The following RBMS3 variants were observed in gnomAD, a reference collection of about 807,000 sequenced individuals.
RBMS3 encodes the protein RNA binding motif single stranded interacting protein 3.
Under a neutral mutation model 66.8 loss-of-function variants are expected in RBMS3, and 27 were observed. That is an observed-to-expected ratio of 0.40 (90% CI 0.30 to 0.56). RBMS3 has a LOEUF of 0.56. RBMS3 is among the 20% of genes least tolerant of loss of function. The pLI is 0.40. For missense variants in RBMS3, 513 were observed against 549.5 expected, an observed-to-expected ratio of 0.93 and a Z score of 0.66; for synonymous variants, 188 against 183.0, an observed-to-expected ratio of 1.03 and a Z score of -0.22.
At chr3:29,871,492 C>A (rs1012950905) in intron 7 of RBMS3, among the ~76,000 whole-genome samples, 1 of 151,952 alleles carries the variant, frequency 6.6e-6, no homozygotes, top group Non-Finnish European at 1.5e-5. Context: ...TTTTCATTTA[C>A]CATTATACTA....
intron 1 of RBMS3, among the ~76,000 whole-genome samples, chr3:29,408,132 T>C (rs6781832): frequency 0.61 from 91,392 of 149,668 alleles, 28,306 homozygotes; most frequent in African/African-American, 0.71. Flanking sequence ...ATTAGCTGGG[T>C]GTGGTGGCGG....
intron 10 of RBMS3, among the ~76,000 whole-genome samples, chr3:29,928,212 A>ATATATAT (rs2149673204): frequency 1.3e-5 from 1 of 77,598 alleles, no homozygotes; most frequent in African/African-American, 5.7e-5. Flanking sequence ...ATATATATAT[A>ATATATAT]CACACACACA....
chr3:29,974,653 C>CAA (rs1158244392), intron 12 of RBMS3, among the ~76,000 whole-genome samples: 4 of 151,294 alleles, frequency 2.6e-5, no homozygotes, highest in Non-Finnish European at 5.9e-5. Context: ...ATAAATTTGT[C>CAA]TTATTTTTAA....
intron 3 of RBMS3, among the ~76,000 whole-genome samples, chr3:29,520,071 C>CTAAA (rs1559432745): frequency 1.3e-5 from 2 of 151,990 alleles, no homozygotes; most frequent in Admixed American, 1.3e-4. Context: ...TTTTTATTTG[C>CTAAA]TAAATCTGGC....
At chr3:29,387,018 C>T (rs904972534) in intron 1 of RBMS3, among the ~76,000 whole-genome samples, 1 of 152,158 alleles carries the variant, frequency 6.6e-6, no homozygotes, top group Non-Finnish European at 1.5e-5. Flanking sequence ...CATTGCTTAC[C>T]GGTTACCCCT....
chr3:29,307,755 A>G (rs2034106098), intron 1 of RBMS3, among the ~76,000 whole-genome samples: 1 of 151,972 alleles, frequency 6.6e-6, no homozygotes, highest in South Asian at 2.1e-4. Context: ...GTTTTATTCT[A>G]GCAGTGTGGA....
chr3:29,837,010 A>G (rs986709369), intron 6 of RBMS3, among the ~76,000 whole-genome samples: 7 of 152,072 alleles, frequency 4.6e-5, no homozygotes, highest in African/African-American at 1.7e-4. Context: ...TGGATGCAGA[A>G]GCAAGATAGA....
chr3:29,566,002 T>A (rs2046728948), intron 3 of RBMS3, among the ~76,000 whole-genome samples: 1 of 152,182 alleles, frequency 6.6e-6, no homozygotes, highest in Admixed American at 6.5e-5. Context: ...GTTATGAGAA[T>A]TATAATGCCT....
chr3:29,643,756 C>G (rs141562323), intron 4 of RBMS3, among the ~76,000 whole-genome samples: 1 of 152,040 alleles, frequency 6.6e-6, no homozygotes, highest in Admixed American at 6.6e-5. Context: ...AGAAAAGAGA[C>G]AGTTAATGGA....
intron 5 of RBMS3, among the ~76,000 whole-genome samples, chr3:29,748,554 C>G (rs2055029735): frequency 6.6e-6 from 1 of 152,094 alleles, no homozygotes; most frequent in South Asian, 2.1e-4. Context: ...CTTTGTATCA[C>G]AGATTCCAAG....
chr3:29,399,419 C>G (rs1032139388), intron 1 of RBMS3, among the ~76,000 whole-genome samples: 2 of 152,082 alleles, frequency 1.3e-5, no homozygotes, highest in African/African-American at 4.8e-5. Context: ...TGGCTATAAG[C>G]AAGAGCAAAT....
chr3:29,825,871 T>C (rs995923626), intron 6 of RBMS3, among the ~76,000 whole-genome samples: 45 of 152,332 alleles, frequency 3.0e-4, no homozygotes, highest in African/African-American at 1.1e-3. Context: ...ATGATATTAA[T>C]AATCAAATCT....
chr3:29,966,690 T>C (rs1278310257), intron 12 of RBMS3, among the ~76,000 whole-genome samples: 1 of 152,196 alleles, frequency 6.6e-6, no homozygotes, highest in Non-Finnish European at 1.5e-5. Flanking sequence ...TATTTATTTC[T>C]CTTGTCTGAT....
intron 4 of RBMS3, among the ~76,000 whole-genome samples, chr3:29,660,498 T>A (rs2050502028): frequency 6.6e-6 from 1 of 152,220 alleles, no homozygotes; most frequent in Non-Finnish European, 1.5e-5. Flanking sequence ...CTATGTCTTT[T>A]AATTGGAGAG....
At chr3:29,799,871 A>T (rs748016690) in intron 6 of RBMS3, among the ~76,000 whole-genome samples, 37 of 152,182 alleles carry the variant, frequency 2.4e-4, no homozygotes, top group Non-Finnish European at 4.7e-4. Context: ...CCTCTGGCCC[A>T]TTGGGAGCTT....
At chr3:29,737,207 C>A (rs1416240960) in intron 4 of RBMS3, among the ~76,000 whole-genome samples, 1 of 152,166 alleles carries the variant, frequency 6.6e-6, no homozygotes, top group Non-Finnish European at 1.5e-5. Flanking sequence ...GACCTCCTGA[C>A]CTCGTGATCC....
At chr3:29,509,783 C>T (rs936462992) in intron 3 of RBMS3, among the ~76,000 whole-genome samples, 44 of 152,190 alleles carry the variant, frequency 2.9e-4, no homozygotes, top group Non-Finnish European at 2.9e-5. Context: ...ATTCATGTTT[C>T]ACTTAAACTA....
intron 1 of RBMS3, among the ~76,000 whole-genome samples, chr3:29,309,638 A>G (rs2034250805): frequency 6.6e-6 from 1 of 151,502 alleles, no homozygotes; most frequent in Admixed American, 6.6e-5. Flanking sequence ...GGTGGTGAGA[A>G]TTTGTCACAG....
chr3:29,778,474 C>T (rs2056504405), intron 6 of RBMS3, among the ~76,000 whole-genome samples: 1 of 151,194 alleles, frequency 6.6e-6, no homozygotes, highest in Admixed American at 6.6e-5. Context: ...TACTATGTGC[C>T]AAATGTTGTA....
Sources: gnomAD v4.1 joint callset for allele counts (sites outside exome capture counted in the v4.1 genomes callset) on GRCh38, gnomAD v4.1.1 for gene constraint, MANE v1.5 for transcripts, NCBI Gene and HGNC (gene_info 2026-07-23, HGNC 2026-07-21) for gene names.